The following STOX2 variants were observed in gnomAD, a reference collection of about 807,000 sequenced individuals.
The protein encoded by STOX2 is storkhead-box protein 2.
A neutral mutation model predicts 60.9 loss-of-function variants in STOX2; 28 were observed. The observed-to-expected ratio is 0.46, with a 90% CI of 0.34 to 0.63. The LOEUF (loss-of-function observed/expected upper bound fraction) is 0.63. STOX2 is among the 30% of genes least tolerant of loss of function. The probability of loss-of-function intolerance (pLI) is 0.01; values close to 1 mark genes in which losing one functional copy is unlikely to be tolerated. For synonymous variants in STOX2, 472 were observed against 463.9 expected, an observed-to-expected ratio of 1.02 and a Z score of -0.22; for missense variants, 1,024 against 1,187.7, an observed-to-expected ratio of 0.86 and a Z score of 2.03.
intron 1 of STOX2, among the ~76,000 whole-genome samples, chr4:183,995,976 G>C (rs1437401681): frequency 6.6e-6 from 1 of 152,232 alleles, no homozygotes; most frequent in Admixed American, 6.5e-5. Flanking sequence ...CTTCATGCCA[G>C]TCAGCCGACA....
intron 1 of STOX2, among the ~76,000 whole-genome samples, chr4:183,881,193 T>A (rs917701116): frequency 7.9e-5 from 12 of 152,078 alleles, no homozygotes; most frequent in African/African-American, 2.9e-4. Flanking sequence ...GAAATCTTAG[T>A]CCCAGTCGTG....
chr4:183,900,745 T>TG (rs1741443034), upstream of STOX2, among the ~76,000 whole-genome samples: 6 of 152,228 alleles, frequency 3.9e-5, no homozygotes, highest in South Asian at 1.2e-3. Context: ...TTGATCAACT[T>TG]GAATGGAAGA....
At chr4:183,897,472 A>G (rs1213940348) in intron 1 of STOX2, among the ~76,000 whole-genome samples, 1 of 152,202 alleles carries the variant, frequency 6.6e-6, no homozygotes, top group Non-Finnish European at 1.5e-5. Context: ...ACAGGGTTTC[A>G]GTATGAGATA....
chr4:184,002,575 A>T (rs1239171152), intron 2 of STOX2, among the ~76,000 whole-genome samples: 1 of 152,154 alleles, frequency 6.6e-6, no homozygotes, highest in Non-Finnish European at 1.5e-5. Context: ...TACCCATCCG[A>T]TTTAGAAAAC....
chr4:183,844,759 A>G (rs1739947460), intron 1 of STOX2, among the ~76,000 whole-genome samples: 1 of 152,182 alleles, frequency 6.6e-6, no homozygotes, highest in South Asian at 2.1e-4. Flanking sequence ...GCTTCATCTC[A>G]CCAAGGAGTT....
intron 1 of STOX2, among the ~76,000 whole-genome samples, chr4:183,932,303 G>T (rs987052984): frequency 7.4e-6 from 1 of 135,910 alleles, no homozygotes; most frequent in Non-Finnish European, 1.5e-5. Context: ...AATTGTGTCA[G>T]TGTATACATA....
At chr4:183,948,023 C>A (rs981253551) in intron 1 of STOX2, among the ~76,000 whole-genome samples, 9 of 151,882 alleles carry the variant, frequency 5.9e-5, no homozygotes, top group African/African-American at 2.2e-4. Flanking sequence ...TCAAGACCAG[C>A]CTGGCCAACA....
chr4:183,937,406 T>G (rs964499082), intron 1 of STOX2, among the ~76,000 whole-genome samples: 3 of 152,214 alleles, frequency 2.0e-5, no homozygotes, highest in Non-Finnish European at 2.9e-5. Flanking sequence ...CGTGTCTTCT[T>G]CCCTTATTTC....
chr4:183,903,242 C>G (rs898854838), upstream of STOX2, among the ~76,000 whole-genome samples: 3 of 152,174 alleles, frequency 2.0e-5, no homozygotes, highest in Admixed American at 2.0e-4. Context: ...CATCACAAAC[C>G]TCCCTCTTAC....
At chr4:183,910,411 T>C (rs994584664) in intron 1 of STOX2, among the ~76,000 whole-genome samples, 5 of 152,186 alleles carry the variant, frequency 3.3e-5, no homozygotes, top group Non-Finnish European at 7.4e-5. Flanking sequence ...AAACCTTTTG[T>C]TGATGAAGTT....
intron 1 of STOX2, among the ~76,000 whole-genome samples, chr4:183,972,248 T>A (rs1195236285): frequency 6.6e-6 from 1 of 152,164 alleles, no homozygotes; most frequent in Non-Finnish European, 1.5e-5. Flanking sequence ...TTTTCTTCCC[T>A]CCCTCTGTCC....
chr4:183,824,069 C>T (rs902082529), intron 1 of STOX2, among the ~76,000 whole-genome samples: 1 of 152,110 alleles, frequency 6.6e-6, no homozygotes, highest in African/African-American at 2.4e-5. Flanking sequence ...GGTGTTATTG[C>T]AAACTTGGGA....
intron 1 of STOX2, among the ~76,000 whole-genome samples, chr4:183,817,914 A>G (rs559639904): frequency 2.0e-5 from 3 of 152,220 alleles, no homozygotes; most frequent in Admixed American, 6.5e-5. Flanking sequence ...TCTTTCACTC[A>G]CAGACATTTG....
intron 3 of STOX2, among the ~76,000 whole-genome samples, chr4:184,012,706 A>G (rs1734216102): frequency 6.6e-6 from 1 of 152,122 alleles, no homozygotes; most frequent in Non-Finnish European, 1.5e-5. Context: ...GTGACAGTGG[A>G]GACTATGGGC....
rs188235361 is a variant in STOX2, at chr4:183,925,930, T to C, written c.166+18974T>C. On this transcript the variant is annotated intron_variant, in intron 1 of 3. Coordinates refer to ENST00000308497, the MANE Select transcript of STOX2 (RefSeq NM_020225.3). Reference sequence around the variant, plus strand: ...ATTGATATGGTGCCCTGAACTTTTATTTATGGCAGTTATTTGTCCTAGCCA... The same window carrying C: ...ATTGATATGGTGCCCTGAACTTTTACTTATGGCAGTTATTTGTCCTAGCCA... Among the ~76,000 whole-genome samples, 97 of 152,290 alleles carry C rather than the reference T, an allele frequency of 6.4e-4. 2 individuals are homozygous for C. In the East Asian group the frequency reaches 0.019, roughly 29 times the overall value.
chr4:184,002,172 A>G (rs1258381028), intron 2 of STOX2, among the ~76,000 whole-genome samples: 6 of 152,194 alleles, frequency 3.9e-5, no homozygotes, highest in Non-Finnish European at 7.3e-5. Context: ...ATTTGGTCTT[A>G]TGTGAAATCT....
At chr4:183,843,043 G>A (rs959764625) in intron 1 of STOX2, among the ~76,000 whole-genome samples, 8 of 151,504 alleles carry the variant, frequency 5.3e-5, no homozygotes, top group African/African-American at 1.9e-4. Context: ...CAGCTACTCG[G>A]GAGACTGAGG....
chr4:183,867,949 C>T (rs1740608516), intron 1 of STOX2, among the ~76,000 whole-genome samples: 1 of 152,200 alleles, frequency 6.6e-6, no homozygotes, highest in Non-Finnish European at 1.5e-5. Context: ...CAGAATTTTC[C>T]CTCTGCTTTT....
intron 1 of STOX2, among the ~76,000 whole-genome samples, chr4:183,841,513 G>A (rs982674212): frequency 4.6e-5 from 7 of 152,212 alleles, no homozygotes; most frequent in South Asian, 2.1e-4. Context: ...GTGCCACGCC[G>A]TAGTATTATG....
Sources: allele counts gnomAD v4.1 joint callset (sites outside exome capture counted in the v4.1 genomes callset), GRCh38; gene constraint gnomAD v4.1.1; transcripts MANE v1.5; gene names NCBI Gene and HGNC (gene_info 2026-07-23, HGNC 2026-07-21).